KIAA1217: variants seen among roughly 807,000 people sequenced by gnomAD.
KIAA1217 encodes sickle tail protein homolog.
In KIAA1217, 88 loss-of-function variants were observed where a neutral mutation model predicts 163.9. The observed-to-expected ratio is 0.54, with a 90% confidence interval of 0.45 to 0.64. The LOEUF is 0.64. Among genes scored for constraint, KIAA1217 ranks in the 30% least tolerant of loss-of-function variants. KIAA1217 has a pLI of 0.00. For synonymous variants in KIAA1217, 903 were observed against 923.1 expected, an observed-to-expected ratio of 0.98 and a Z score of 0.39; for missense variants, 2,372 against 2,475.0, an observed-to-expected ratio of 0.96 and a Z score of 0.88.
chr10:24,492,439 T>C (rs2133716949), intron 6 of KIAA1217, among the ~76,000 whole-genome samples: 1 of 152,316 alleles, frequency 6.6e-6, no homozygotes, highest in South Asian at 2.1e-4. Flanking sequence ...CGTGGAGATA[T>C]ATTTCCACAC....
At chr10:24,132,209 C>T (rs2063678598) in intron 2 of KIAA1217, among the ~76,000 whole-genome samples, 1 of 152,154 alleles carries the variant, frequency 6.6e-6, no homozygotes, top group Non-Finnish European at 1.5e-5. Flanking sequence ...GGCTGGAACT[C>T]AGTCACACAG....
intron 2 of KIAA1217, among the ~76,000 whole-genome samples, chr10:24,097,441 T>C (rs965435552): frequency 6.6e-6 from 1 of 152,022 alleles, no homozygotes. Flanking sequence ...TAGTCCCAGC[T>C]ACTCAGGAGG....
intron 2 of KIAA1217, among the ~76,000 whole-genome samples, chr10:24,275,938 C>T (rs1423170457): frequency 6.6e-6 from 1 of 152,168 alleles, no homozygotes; most frequent in Non-Finnish European, 1.5e-5. Context: ...CCATACCCCT[C>T]CCTCCAGTGG....
chr10:24,454,039 A>T lies in KIAA1217; in HGVS notation c.846+15560A>T, dbSNP rs74747264. Reference sequence around the variant, plus strand: ...CAAATTGAGGGTTCAAGGAAGGAACAGGGTAAAACTTGATTTAAAAGCATA... The same window carrying T: ...CAAATTGAGGGTTCAAGGAAGGAACTGGGTAAAACTTGATTTAAAAGCATA... On this transcript the variant is annotated intron_variant, in intron 5 of 20. Transcript: ENST00000376454. 5.5e-3 allele frequency among the ~76,000 whole-genome samples: 833 copies of T among 152,280 alleles called. 11 individuals carry two copies. The highest frequency in any genetic ancestry group is 0.019 in the African/African-American group (800 of 41,558).
chr10:24,546,327 G>T lies in KIAA1217; in HGVS notation c.*3G>T. On this transcript the variant is annotated 3_prime_UTR_variant, in exon 21 of 21. Coordinates refer to ENST00000376454, the MANE Select transcript of KIAA1217 (RefSeq NM_019590.5). The stretch of plus-strand genomic sequence containing the variant: ...CCACAGCAAAAGAAACCTCTTAAAG[G>T]TCAAATCCTATTAGGCACAAGTCGG... 6.3e-7 allele frequency: 1 copy of T among 1,581,420 alleles called. No homozygotes were observed. Among genetic ancestry groups the T allele is most frequent in the African/African-American group, 1.4e-5 (1 of 73,438 alleles).
intron 2 of KIAA1217, among the ~76,000 whole-genome samples, chr10:24,223,548 A>G (rs867639038): frequency 2.0e-5 from 3 of 152,266 alleles, no homozygotes. Flanking sequence ...TCTCCTCCAG[A>G]TACTGAGGCT....
intron 2 of KIAA1217, among the ~76,000 whole-genome samples, chr10:24,065,955 G>A (rs1456402700): frequency 1.3e-5 from 2 of 152,096 alleles, no homozygotes; most frequent in East Asian, 1.9e-4. Context: ...TCAGAGACTA[G>A]GATTGTAACC....
At chr10:24,434,515 T>G (rs2131854543) in intron 4 of KIAA1217, among the ~76,000 whole-genome samples, 1 of 152,312 alleles carries the variant, frequency 6.6e-6, no homozygotes, top group Non-Finnish European at 1.5e-5. Flanking sequence ...TTTTTAATCT[T>G]TTGTAGAGAC....
At chr10:24,318,774 A>G (rs1451209725) in intron 2 of KIAA1217, among the ~76,000 whole-genome samples, 5 of 152,194 alleles carry the variant, frequency 3.3e-5, no homozygotes, top group African/African-American at 1.2e-4. Context: ...TGAAAACCTC[A>G]TGTTGCAAAA....
rs535757792 is a variant in KIAA1217 at position 24,392,807 on chromosome 10, C to T, written c.553+11740C>T. 3.9e-5 allele frequency among the ~76,000 whole-genome samples: 6 copies of T among 152,184 alleles called. No homozygotes were observed. The South Asian group carries it at 1.2e-3, about 32-fold the overall frequency. ...AGAGATGAGACATTAGGAAATGTTA[C>T]CTGAACTGTGTATGAGGAAAAAGAT... On this transcript the variant is annotated intron_variant, in intron 3 of 20. Coordinates refer to ENST00000376454, the MANE Select transcript of KIAA1217 (RefSeq NM_019590.5).
intron 5 of KIAA1217, among the ~76,000 whole-genome samples, chr10:24,455,367 C>T (rs755414707): frequency 1.2e-4 from 18 of 152,114 alleles, no homozygotes; most frequent in Non-Finnish European, 2.2e-4. Flanking sequence ...GCAAAGCTGT[C>T]TTGGCAGATA....
At chr10:24,371,078 A>G (rs916578721) in intron 2 of KIAA1217, among the ~76,000 whole-genome samples, 2 of 152,212 alleles carry the variant, frequency 1.3e-5, no homozygotes, top group African/African-American at 4.8e-5. Context: ...TTTTCTTTAA[A>G]TAGCTTTTGT....
intron 5 of KIAA1217, among the ~76,000 whole-genome samples, chr10:24,447,999 G>A (rs1048345543): frequency 2.6e-5 from 4 of 151,996 alleles, no homozygotes; most frequent in Admixed American, 6.6e-5. Context: ...GTGTGGTGGC[G>A]CGTGCCTATA....
At chr10:24,222,006 A>C (rs1564851323) in intron 2 of KIAA1217, among the ~76,000 whole-genome samples, 1 of 152,222 alleles carries the variant, frequency 6.6e-6, no homozygotes. Context: ...AATTTTGCTG[A>C]GAAATATAGA....
chr10:24,448,022 C>T (rs896288982), intron 5 of KIAA1217, among the ~76,000 whole-genome samples: 3 of 151,994 alleles, frequency 2.0e-5, no homozygotes, highest in African/African-American at 7.2e-5. Context: ...CCCAGCTACT[C>T]AGGAGGCTGA....
chr10:23,859,898 C>T (rs1839875362), intron 1 of KIAA1217, among the ~76,000 whole-genome samples: 1 of 151,584 alleles, frequency 6.6e-6, no homozygotes, highest in South Asian at 2.1e-4. Context: ...TACTCAGAGT[C>T]ACAGACCTGT....
At chr10:24,526,843 A>T (rs146532823) in intron 13 of KIAA1217, among the ~76,000 whole-genome samples, 2 of 152,200 alleles carry the variant, frequency 1.3e-5, no homozygotes, top group Admixed American at 6.5e-5. Context: ...GGAAGAAAAA[A>T]TAAAGGAGGG....
chr10:24,287,875 A>T (rs906724468), intron 2 of KIAA1217, among the ~76,000 whole-genome samples: 5 of 152,206 alleles, frequency 3.3e-5, no homozygotes, highest in African/African-American at 1.2e-4. Context: ...AAATGTTGAG[A>T]CATATCTCAC....
chr10:24,132,799 A>G (rs2063701687), intron 2 of KIAA1217, among the ~76,000 whole-genome samples: 1 of 152,220 alleles, frequency 6.6e-6, no homozygotes, highest in African/African-American at 2.4e-5. Context: ...AAGACACCGG[A>G]TGAGGCTGGG....
Sources: gnomAD v4.1 joint callset for allele counts (sites outside exome capture counted in the v4.1 genomes callset) on GRCh38, gnomAD v4.1.1 for gene constraint, MANE v1.5 for transcripts, NCBI Gene and HGNC (gene_info 2026-07-23, HGNC 2026-07-21) for gene names.